The following FUT9 variants were observed in gnomAD, a reference collection of about 807,000 sequenced individuals.
FUT9 encodes the protein fucosyltransferase 9.
In FUT9, 15 loss-of-function variants were observed where a neutral mutation model predicts 29.7. That is an observed-to-expected ratio of 0.51 (90% CI 0.34 to 0.78). The LOEUF is 0.78. Ranked by LOEUF, FUT9 falls within the 30% of genes least tolerant of loss-of-function variation. FUT9 has a pLI of 0.01. For missense variants in FUT9, 319 were observed against 425.4 expected (o/e 0.75, Z 2.20); for synonymous variants, 169 against 153.7 (o/e 1.10, Z -0.74).
chr6:96,111,246 C>A (rs1246800879), intron 1 of FUT9, among the ~76,000 whole-genome samples: 1 of 152,102 alleles, frequency 6.6e-6, no homozygotes, highest in African/African-American at 2.4e-5. Context: ...AATTGAGTGT[C>A]TCTTTCCCAC....
At chr6:96,190,487 T>C (rs1773484858) in intron 2 of FUT9, among the ~76,000 whole-genome samples, 1 of 152,210 alleles carries the variant, frequency 6.6e-6, no homozygotes, top group Non-Finnish European at 1.5e-5. Flanking sequence ...TCCTGGATAA[T>C]ACCCTGCAGA....
intron 2 of FUT9, among the ~76,000 whole-genome samples, chr6:96,187,336 C>T (rs890005226): frequency 1.3e-5 from 2 of 152,074 alleles, no homozygotes; most frequent in African/African-American, 4.8e-5. Flanking sequence ...CAACATAAAG[C>T]CAGACTGGCA....
chr6:96,174,630 A>G (rs1225747650), intron 2 of FUT9, among the ~76,000 whole-genome samples: 1 of 152,116 alleles, frequency 6.6e-6, no homozygotes, highest in Non-Finnish European at 1.5e-5. Flanking sequence ...CCACGATAAC[A>G]AAATACACAC....
At chr6:96,197,135 A>G (rs1773640976) in intron 2 of FUT9, among the ~76,000 whole-genome samples, 1 of 152,168 alleles carries the variant, frequency 6.6e-6, no homozygotes, top group Non-Finnish European at 1.5e-5. Flanking sequence ...GTAGAAACAA[A>G]TGTCTGAGGC....
chr6:96,099,969 C>T (rs1237485285), intron 1 of FUT9, among the ~76,000 whole-genome samples: 1 of 152,048 alleles, frequency 6.6e-6, no homozygotes, highest in African/African-American at 2.4e-5. Context: ...AATGAATCCT[C>T]TTGTATTTAT....
intron 2 of FUT9, among the ~76,000 whole-genome samples, chr6:96,182,038 C>T (rs1461534000): frequency 6.6e-6 from 1 of 152,028 alleles, no homozygotes; most frequent in Non-Finnish European, 1.5e-5. Context: ...GTTTACATTC[C>T]CACCAGCACT....
intron 1 of FUT9, among the ~76,000 whole-genome samples, chr6:96,053,121 G>C (rs1770702326): frequency 6.6e-6 from 1 of 151,976 alleles, no homozygotes; most frequent in Non-Finnish European, 1.5e-5. Flanking sequence ...TACTGAGAAA[G>C]ATGTCAAAAT....
At chr6:96,153,242 T>C (rs1445151443) in intron 2 of FUT9, among the ~76,000 whole-genome samples, 4 of 152,148 alleles carry the variant, frequency 2.6e-5, no homozygotes, top group African/African-American at 9.7e-5. Context: ...GCATCAGAAA[T>C]TGAACAGCCT....
intron 2 of FUT9, among the ~76,000 whole-genome samples, chr6:96,122,910 G>C (rs1772056598): frequency 6.6e-6 from 1 of 151,506 alleles, no homozygotes; most frequent in Non-Finnish European, 1.5e-5. Context: ...GCTGGGCGTG[G>C]CTAGCTGGGC....
At chr6:96,124,205 G>T (rs1307791785) in intron 2 of FUT9, among the ~76,000 whole-genome samples, 2 of 142,680 alleles carry the variant, frequency 1.4e-5, no homozygotes, top group African/African-American at 5.3e-5. Context: ...AGGCTGGAGT[G>T]CAGTGGCACA....
intron 1 of FUT9, among the ~76,000 whole-genome samples, chr6:96,056,392 A>G (rs1770768254): frequency 6.6e-6 from 1 of 152,248 alleles, no homozygotes; most frequent in African/African-American, 2.4e-5. Flanking sequence ...GTGGAGAATC[A>G]GTACTACAAA....
intron 2 of FUT9, among the ~76,000 whole-genome samples, chr6:96,143,727 A>G (rs1407523310): frequency 6.6e-6 from 1 of 152,178 alleles, no homozygotes; most frequent in Non-Finnish European, 1.5e-5. Context: ...AAAAATATAA[A>G]ATCGTTGGGT....
intron 1 of FUT9, among the ~76,000 whole-genome samples, chr6:96,085,944 C>T (rs1006263452): frequency 7.2e-5 from 11 of 152,042 alleles, no homozygotes; most frequent in Admixed American, 3.3e-4. Flanking sequence ...TCTTGTGGGC[C>T]TATATGAAAG....
In FUT9 at chr6:96,166,873, C is replaced by T. The variant is rs143568829; in HGVS notation, c.-8-36275C>T. ...TCTTTAGATTACTTATCATACCCAACACCATGTAAATGCTATGTGAATAGT... is the reference window on the plus strand; with the variant it reads ...TCTTTAGATTACTTATCATACCCAATACCATGTAAATGCTATGTGAATAGT... On this transcript the variant is annotated intron_variant, in intron 2 of 2. Coordinates refer to ENST00000302103, the MANE Select transcript of FUT9 (RefSeq NM_006581.4). Among the ~76,000 whole-genome samples the T allele has an allele frequency of 2.5e-4, 38 of 152,262 alleles. No individual in the cohort carries two copies. The East Asian group carries it at 7.0e-3, about 28-fold the overall frequency.
intron 1 of FUT9, among the ~76,000 whole-genome samples, chr6:96,039,011 A>G (rs1294847402): frequency 2.6e-5 from 4 of 152,168 alleles, no homozygotes; most frequent in Non-Finnish European, 5.9e-5. Context: ...CAATGCTTCA[A>G]TATTTCTACC....
chr6:96,183,567 T>C (rs547341344), intron 2 of FUT9, among the ~76,000 whole-genome samples: 8 of 152,222 alleles, frequency 5.3e-5, no homozygotes, highest in Non-Finnish European at 7.4e-5. Flanking sequence ...CAGTATTACA[T>C]TGGCTGTGGG....
chr6:96,032,125 T>TA (rs922336081), intron 1 of FUT9, among the ~76,000 whole-genome samples: 10 of 151,608 alleles, frequency 6.6e-5, no homozygotes, highest in Non-Finnish European at 1.2e-4. Flanking sequence ...ATAGGACTTT[T>TA]AAAAAAAATC....
chr6:96,124,699 C>A (rs1772100372), intron 2 of FUT9, among the ~76,000 whole-genome samples: 1 of 151,962 alleles, frequency 6.6e-6, no homozygotes, highest in Non-Finnish European at 1.5e-5. Context: ...ATTTTGTACG[C>A]CTCCTTTTCT....
chr6:96,050,252 C>T (rs1770641356), intron 1 of FUT9, among the ~76,000 whole-genome samples: 1 of 152,260 alleles, frequency 6.6e-6, no homozygotes, highest in African/African-American at 2.4e-5. Context: ...GCACAGGTCA[C>T]ACACCCATCA....
Sources: allele counts gnomAD v4.1 joint callset (sites outside exome capture counted in the v4.1 genomes callset), GRCh38; gene constraint gnomAD v4.1.1; transcripts MANE v1.5; gene names NCBI Gene and HGNC (gene_info 2026-07-23, HGNC 2026-07-21).